Variants in SCAF8 observed in about 807,000 individuals in gnomAD.
The protein encoded by SCAF8 is SR-related and CTD-associated factor 8.
Under a neutral mutation model 140.5 loss-of-function variants are expected in SCAF8, and 23 were observed. The observed-to-expected ratio is 0.16, with a 90% CI of 0.12 to 0.23. SCAF8 has a LOEUF of 0.23. SCAF8 is among the 10% of genes least tolerant of loss of function. SCAF8 has a pLI of 1.00. For missense variants in SCAF8, 1,397 were observed against 1,555.7 expected, an observed-to-expected ratio of 0.90 and a Z score of 1.72; for synonymous variants, 575 against 528.9, an observed-to-expected ratio of 1.09 and a Z score of -1.20.
intron 1 of SCAF8, among the ~76,000 whole-genome samples, chr6:154,753,106 A>C (rs1301160964): frequency 6.6e-6 from 1 of 151,918 alleles, no homozygotes; most frequent in Non-Finnish European, 1.5e-5. Flanking sequence ...AGGTGGGCAG[A>C]TCACCTGAGG....
At chr6:154,773,684 C>G (rs1225299124) in intron 1 of SCAF8, among the ~76,000 whole-genome samples, 1 of 152,194 alleles carries the variant, frequency 6.6e-6, no homozygotes, top group Non-Finnish European at 1.5e-5. Flanking sequence ...GAGGAACTGT[C>G]AAGCTGTTTT....
intron 3 of SCAF8, among the ~76,000 whole-genome samples, chr6:154,785,529 C>G (rs534531116): frequency 6.6e-6 from 1 of 152,110 alleles, no homozygotes. Flanking sequence ...TCTAATCTGT[C>G]GAGCCATCTT....
At chr6:154,741,814 T>C (rs1778578076) in intron 1 of SCAF8, 1 of 573,650 alleles carries the variant, frequency 1.7e-6, no homozygotes, top group East Asian at 2.9e-5. Flanking sequence ...TTACGCTGTT[T>C]TGGACAACTT....
At chr6:154,793,408 ATTT>A (rs1309640589) in intron 5 of SCAF8, among the ~76,000 whole-genome samples, 13 of 152,056 alleles carry the variant, frequency 8.5e-5, no homozygotes, top group Middle Eastern at 6.8e-3. Flanking sequence ...ATGATAAAAA[ATTT>A]TTATCAAAGT....
intron 1 of SCAF8, among the ~76,000 whole-genome samples, chr6:154,762,043 T>C (rs527567600): frequency 1.1e-4 from 17 of 152,242 alleles, no homozygotes; most frequent in Non-Finnish European, 2.5e-4. Context: ...CTTTGAGTTA[T>C]TAATAAAAAG....
intron 1 of SCAF8, among the ~76,000 whole-genome samples, chr6:154,769,923 C>T (rs998153130): frequency 6.6e-6 from 1 of 152,114 alleles, no homozygotes; most frequent in Non-Finnish European, 1.5e-5. Flanking sequence ...GAATGGATTT[C>T]AAATGGGCCT....
chr6:154,815,531 G>C (rs555252034), intron 12 of SCAF8, among the ~76,000 whole-genome samples, 185 bp from the exon 13 acceptor site: 8 of 152,248 alleles, frequency 5.3e-5, no homozygotes, highest in Middle Eastern at 3.4e-3. Flanking sequence ...GCAGAGATGT[G>C]AATTAATACT....
intron 17 of SCAF8, 130 bp from the exon 18 acceptor site, chr6:154,827,042 A>G: frequency 2.8e-6 from 2 of 722,670 alleles, no homozygotes; most frequent in Admixed American, 3.4e-5. Flanking sequence ...TAAAATAGAA[A>G]AAATATATAT....
chr6:154,787,124 G>T (rs771234255), intron 3 of SCAF8, among the ~76,000 whole-genome samples: 1 of 152,234 alleles, frequency 6.6e-6, no homozygotes, highest in Non-Finnish European at 1.5e-5. Flanking sequence ...GGAGATCTAG[G>T]CAGGAGGATT....
intron 17 of SCAF8, among the ~76,000 whole-genome samples, chr6:154,825,610 C>G (rs938729158): frequency 2.8e-5 from 4 of 142,650 alleles, no homozygotes; most frequent in African/African-American, 1.1e-4. Flanking sequence ...GAACTGTGTT[C>G]GCACCACTAC....
At chr6:154,817,549 G>A (rs1003919940) in intron 13 of SCAF8, among the ~76,000 whole-genome samples, 6 of 152,164 alleles carry the variant, frequency 3.9e-5, no homozygotes, top group Non-Finnish European at 8.8e-5. Flanking sequence ...AGAGAGTAAA[G>A]TATTTTCCAG....
chr6:154,832,816 T>C lies in SCAF8; in HGVS notation c.3237T>C (p.Leu1079=). 1 of 1,614,004 alleles carries C rather than the reference T, an allele frequency of 6.2e-7. No homozygotes were observed. The highest frequency in any genetic ancestry group is 8.5e-7 in the Non-Finnish European group (1 of 1,179,994). ...ENLVRPGIDH[L]GRRDHFGFNP... The stretch of plus-strand genomic sequence containing the variant: ...TTGTGAGGCCAGGTATAGATCATCT[T>C]GGTCGAAGAGACCACTTTGGCTTTA... Residue 1079 remains leucine (L), a synonymous_variant, in exon 20 of 20, where the codon CTT becomes CTC. Coordinates refer to ENST00000367178, the MANE Select transcript of SCAF8 (RefSeq NM_014892.5).
chr6:154,774,076 A>G lies in SCAF8; in HGVS notation c.114+4A>G, dbSNP rs765185617. 5 of 1,586,268 alleles carry G rather than the reference A, an allele frequency of 3.2e-6. No homozygotes were observed. Among genetic ancestry groups the G allele is most frequent in the South Asian group, 1.1e-5 (1 of 88,728 alleles). On this transcript the variant is annotated splice_donor_region_variant and intron_variant, in intron 2 of 19. Coordinates refer to ENST00000367178, the MANE Select transcript of SCAF8 (RefSeq NM_014892.5). ...GGCAGCCATCAAAGCTATTAAGGTG[A>G]GTAATAAATTTTACTCTTCTATTTT...
At chr6:154,761,994 T>C (rs1776415457) in intron 1 of SCAF8, among the ~76,000 whole-genome samples, 1 of 152,232 alleles carries the variant, frequency 6.6e-6, no homozygotes. Context: ...ACTTGTAAAC[T>C]TAGGAAAAAG....
Position 154,801,820 on chromosome 6 carries a change from G to A in SCAF8, c.607-151G>A, listed in dbSNP as rs967331719. The stretch of plus-strand genomic sequence containing the variant: ...AGGACTGTGTTATATAAGGTACACA[G>A]AAAAACTTCAAAAAATTAACTTATT... On this transcript the variant is annotated intron_variant, in intron 6 of 19. Transcript: ENST00000367178. 4 of 528,830 alleles carry A rather than the reference G, an allele frequency of 7.6e-6. No homozygotes were observed. The African/African-American group carries it at 7.8e-5, about 10-fold the overall frequency. The allele number at this position is 528,830 out of a possible 1,614,324, so 32.8% of individuals were successfully genotyped here.
intron 2 of SCAF8, among the ~76,000 whole-genome samples, chr6:154,775,608 G>C (rs958249090): frequency 6.6e-6 from 1 of 152,136 alleles, no homozygotes; most frequent in African/African-American, 2.4e-5. Flanking sequence ...AATTCTGTCA[G>C]TCAAGAGTCT....
chr6:154,733,792 C>T lies in SCAF8; in HGVS notation c.-109C>T, dbSNP rs1582984049. On this transcript the variant is annotated 5_prime_UTR_variant, in exon 1 of 20. Coordinates refer to ENST00000367178, the MANE Select transcript of SCAF8 (RefSeq NM_014892.5). ...AGGTCGCAGCGGCCCGCTCTCCCGC[C>T]AGCGCCCCCTCCTCGCGGCCACGCA... The T allele has an allele frequency of 5.7e-6, 8 of 1,403,172 alleles. No homozygotes were observed. The highest frequency in any genetic ancestry group is 7.4e-6 in the Non-Finnish European group (8 of 1,080,864). 86.9% of individuals were successfully genotyped at this position (1,403,172 alleles called of 1,614,324 possible).
intron 4 of SCAF8, among the ~76,000 whole-genome samples, chr6:154,788,804 C>T (rs1777327170): frequency 6.6e-6 from 1 of 152,000 alleles, no homozygotes; most frequent in Non-Finnish European, 1.5e-5. Context: ...GGATCATGAG[C>T]GAGCATAAAA....
chr6:154,733,829 C>G lies in SCAF8; in HGVS notation c.-72C>G. 1 of 1,504,194 alleles carries G rather than the reference C, an allele frequency of 6.6e-7. No homozygotes were observed. The highest frequency in any genetic ancestry group is 2.5e-5 in the Admixed American group (1 of 39,944). The allele number at this position is 1,504,194 out of a possible 1,614,324, so 93.2% of individuals were successfully genotyped here. A position where few individuals can be genotyped will look rare whatever the true frequency, so the allele number is the denominator to read the frequency against. Reference sequence around the variant, plus strand: ...CTCGCGGCCACGCAGCAGCCCGCGTCTCGCTCTCCCCACCCAGTGCAGTGG... The same window carrying G: ...CTCGCGGCCACGCAGCAGCCCGCGTGTCGCTCTCCCCACCCAGTGCAGTGG... On this transcript the variant is annotated 5_prime_UTR_variant, in exon 1 of 20. Coordinates refer to ENST00000367178, the MANE Select transcript of SCAF8 (RefSeq NM_014892.5).
Sources: allele counts gnomAD v4.1 joint callset (sites outside exome capture counted in the v4.1 genomes callset), GRCh38; gene constraint gnomAD v4.1.1; transcripts MANE v1.5; gene names NCBI Gene and HGNC (gene_info 2026-07-23, HGNC 2026-07-21).